Variants in ARID5B observed in about 807,000 individuals in gnomAD.
ARID5B encodes the protein AT-rich interactive domain-containing protein 5B.
A neutral mutation model predicts 97.2 loss-of-function variants in ARID5B; 13 were observed. The ratio of observed to expected loss-of-function variants is 0.13; its 90% CI spans 0.09 to 0.21. The LOEUF is 0.21. ARID5B is among the 10% of genes least tolerant of loss of function. The pLI is 1.00. For missense variants in ARID5B, 1,210 were observed against 1,465.3 expected (o/e 0.83, Z 2.84); for synonymous variants, 556 against 570.3 (o/e 0.97, Z 0.36).
chr10:61,951,651 T>C (rs1478796381), intron 3 of ARID5B, among the ~76,000 whole-genome samples: 1 of 152,200 alleles, frequency 6.6e-6, no homozygotes, highest in Non-Finnish European at 1.5e-5. Context: ...TTTTAGAAAA[T>C]ATAGGCACTA....
At position 61,981,592 on chromosome 10, in the gene ARID5B, A is replaced by T. The variant is rs1307298352; in HGVS notation, c.503-18499A>T. On this transcript the variant is annotated intron_variant, in intron 3 of 9. Coordinates refer to ENST00000279873, the MANE Select transcript of ARID5B (RefSeq NM_032199.3). ...TCACCATGCCTGGCCTGAGGTTTTT[A>T]TCTTTTTTTTCCCTGTAGTTTGGCA... Among the ~76,000 whole-genome samples, 3 of 151,872 alleles carry T rather than the reference A, an allele frequency of 2.0e-5. No individual in the cohort carries two copies. In the South Asian group the frequency reaches 6.2e-4, roughly 32 times the overall value.
chr10:62,013,794 G>GTATA (rs60930079), intron 4 of ARID5B, among the ~76,000 whole-genome samples: 29,264 of 138,668 alleles, frequency 0.21, 3,290 homozygotes, highest in East Asian at 0.44. Context: ...ATTCCATTGG[G>GTATA]TATATATATA....
intron 2 of ARID5B, among the ~76,000 whole-genome samples, chr10:61,927,210 A>G (rs1395502373): frequency 6.6e-6 from 1 of 152,154 alleles, no homozygotes; most frequent in Non-Finnish European, 1.5e-5. Context: ...TATTTCATGG[A>G]TGCCTACTCT....
At chr10:62,030,613 T>A (rs186216589) in intron 4 of ARID5B, among the ~76,000 whole-genome samples, 1 of 152,316 alleles carries the variant, frequency 6.6e-6, no homozygotes, top group East Asian at 1.9e-4. Context: ...TTTTGGTGAA[T>A]CATCTTACTC....
intron 9 of ARID5B, among the ~76,000 whole-genome samples, chr10:62,088,331 A>G (rs528226627): frequency 1.3e-5 from 2 of 152,358 alleles, no homozygotes; most frequent in Middle Eastern, 3.4e-3. Context: ...ATATGTACAC[A>G]AAACACCAGG....
Position 61,940,177 on chromosome 10 carries a change from T to G in ARID5B, c.277-6T>G, listed in dbSNP as rs1207399125. On this transcript the variant is annotated splice_region_variant and splice_polypyrimidine_tract_variant and intron_variant, in intron 2 of 9. Coordinates refer to ENST00000279873, the MANE Select transcript of ARID5B (RefSeq NM_032199.3). ...TTTTTTGTTCTTCCCCAACCACCTC[T>G]TGTAGGATGAAGTCATTGCTGTTTC... The G allele has an allele frequency of 1.2e-6, 2 of 1,613,932 alleles. No individual in the cohort carries two copies. Among genetic ancestry groups the G allele is most frequent in the Admixed American group, 3.3e-5 (2 of 60,022 alleles).
At chr10:61,950,042 C>T (rs1005395488) in intron 3 of ARID5B, among the ~76,000 whole-genome samples, 2 of 152,000 alleles carry the variant, frequency 1.3e-5, no homozygotes, top group African/African-American at 2.4e-5. Flanking sequence ...GAGGTTTGCT[C>T]TGTCACCCAG....
intron 3 of ARID5B, among the ~76,000 whole-genome samples, chr10:61,988,968 C>T (rs1340362211): frequency 1.8e-5 from 2 of 113,390 alleles, no homozygotes; most frequent in African/African-American, 6.9e-5. Flanking sequence ...CTTGCACTGT[C>T]GCCCAGGCTG....
At chr10:62,055,703 G>T (rs1364616145) in intron 5 of ARID5B, among the ~76,000 whole-genome samples, 2 of 152,134 alleles carry the variant, frequency 1.3e-5, no homozygotes, top group Non-Finnish European at 2.9e-5. Context: ...ATCCTACCTA[G>T]AAGCCCCATT....
intron 5 of ARID5B, among the ~76,000 whole-genome samples, chr10:62,055,480 C>T (rs941184148): frequency 9.9e-5 from 15 of 152,080 alleles, no homozygotes; most frequent in African/African-American, 3.6e-4. Context: ...GGAGGCAATA[C>T]AAATTAAAAC....
chr10:62,042,437 A>G (rs111838869), intron 4 of ARID5B, among the ~76,000 whole-genome samples: 3,290 of 152,208 alleles, frequency 0.022, 107 homozygotes, highest in African/African-American at 0.074. Flanking sequence ...TTGAGAGTCC[A>G]CTTTTGGTTT....
intron 4 of ARID5B, among the ~76,000 whole-genome samples, chr10:62,027,450 A>G (rs1327704418): frequency 6.6e-6 from 1 of 151,028 alleles, no homozygotes; most frequent in Admixed American, 6.6e-5. Flanking sequence ...CTGGGACTGC[A>G]GGAGCCCACC....
intron 4 of ARID5B, among the ~76,000 whole-genome samples, chr10:62,027,172 C>G (rs1327189460): frequency 6.6e-6 from 1 of 151,762 alleles, no homozygotes; most frequent in Non-Finnish European, 1.5e-5. Flanking sequence ...TCCTATCTGT[C>G]AAGCCCCATC....
chr10:62,021,845 C>G (rs1839360032), intron 4 of ARID5B, among the ~76,000 whole-genome samples: 1 of 152,162 alleles, frequency 6.6e-6, no homozygotes, highest in African/African-American at 2.4e-5. Context: ...TATTTTATAG[C>G]CGGGTCTTTA....
At position 61,952,511 on chromosome 10, in the gene ARID5B, A is replaced by T. The variant is rs961288327; in HGVS notation, c.502+12103A>T. ...GTGTTAGCACTCAGACATCAAAGCT[A>T]TACCTAGTAGGTTAAGTAAACATGC... On this transcript the variant is annotated intron_variant, in intron 3 of 9. Coordinates refer to ENST00000279873, the MANE Select transcript of ARID5B (RefSeq NM_032199.3). Among the ~76,000 whole-genome samples the T allele has an allele frequency of 2.6e-5, 4 of 152,350 alleles. No individual in the cohort carries two copies. In the South Asian group the frequency reaches 8.3e-4, roughly 32 times the overall value.
chr10:61,975,276 A>G (rs945080968), intron 3 of ARID5B, among the ~76,000 whole-genome samples: 2 of 152,142 alleles, frequency 1.3e-5, no homozygotes. Context: ...TAGCCCCTCA[A>G]TATTGCAGAA....
chr10:62,082,555 G>T (rs1001375263), intron 8 of ARID5B, among the ~76,000 whole-genome samples: 7 of 152,116 alleles, frequency 4.6e-5, no homozygotes, highest in African/African-American at 1.7e-4. Context: ...ACAAATATTT[G>T]AGAAATAATC....
rs1462763416 is a variant in ARID5B at position 62,092,779 on chromosome 10, T to C, written c.3316T>C (p.Leu1106=). The change falls in exon 10 of 10, where the codon TTG becomes CTG. Residue 1106 remains leucine (L), a synonymous_variant. Transcript: ENST00000279873. The part of the protein sequence containing the change: ...PAGYSHSLQY[L]KNQTVLSPLM... ...TGGGTATTCTCATTCTCTGCAGTACTTGAAAAACCAGACTGTGCTTTCTCC... is the reference window on the plus strand; with the variant it reads ...TGGGTATTCTCATTCTCTGCAGTACCTGAAAAACCAGACTGTGCTTTCTCC... 1 of 1,614,082 alleles carries C rather than the reference T, an allele frequency of 6.2e-7. No individual in the cohort carries two copies. The highest frequency in any genetic ancestry group is 1.3e-5 in the African/African-American group (1 of 74,936).
intron 2 of ARID5B, among the ~76,000 whole-genome samples, chr10:61,935,776 G>A (rs371549637): frequency 5.9e-5 from 9 of 152,172 alleles, no homozygotes; most frequent in East Asian, 3.9e-4. Flanking sequence ...TAAATGTAAC[G>A]CACTTTTTAT....
Sources: allele counts gnomAD v4.1 joint callset (sites outside exome capture counted in the v4.1 genomes callset), GRCh38; gene constraint gnomAD v4.1.1; transcripts MANE v1.5; gene names NCBI Gene and HGNC (gene_info 2026-07-23, HGNC 2026-07-21).